Variants in EREG observed in about 807,000 individuals in gnomAD.
EREG encodes proepiregulin.
A neutral mutation model predicts 22.4 loss-of-function variants in EREG; 23 were observed. That is an observed-to-expected ratio of 1.03 (90% confidence interval 0.74 to 1.46). The LOEUF is 1.46. EREG is among the 40% of genes most tolerant of loss of function. The pLI is 0.00. For synonymous variants in EREG, 100 were observed against 75.4 expected (o/e 1.33, Z -1.69); for missense variants, 226 against 205.9 (o/e 1.10, Z -0.60).
chr4:74,377,669 A>G (rs1177055704), intron 1 of EREG, among the ~76,000 whole-genome samples: 2 of 152,224 alleles, frequency 1.3e-5, no homozygotes, highest in Non-Finnish European at 2.9e-5. Flanking sequence ...ACAGTTCTAT[A>G]TGGCTGGGGA....
chr4:74,365,647 A>G (rs1752165642), intron 1 of EREG, among the ~76,000 whole-genome samples: 2 of 146,098 alleles, frequency 1.4e-5, no homozygotes, highest in Non-Finnish European at 1.5e-5. Flanking sequence ...TAAACAAAAT[A>G]AAAAGTTGTT....
chr4:74,377,322 T>A (rs543663917), intron 1 of EREG, among the ~76,000 whole-genome samples: 2 of 152,308 alleles, frequency 1.3e-5, no homozygotes, highest in African/African-American at 2.4e-5. Context: ...GTGGCCTCTA[T>A]GTTGGGTTAA....
In EREG at chr4:74,384,892, G is replaced by C; in HGVS notation, c.*84G>C. ...CCATTTTATTAATAATATTTATGTT[G>C]GGTCAAGTGTTAGGTCAATAACACT... On this transcript the variant is annotated 3_prime_UTR_variant, in exon 5 of 5. Coordinates refer to ENST00000244869, the MANE Select transcript of EREG (RefSeq NM_001432.3). 1.3e-6 allele frequency: 1 copy of C among 789,556 alleles called. No individual in the cohort carries two copies. The allele number at this position is 789,556 out of a possible 1,614,324, so 48.9% of individuals were successfully genotyped here.
At chr4:74,377,001 T>G (rs1578819908) in intron 1 of EREG, among the ~76,000 whole-genome samples, 1 of 152,252 alleles carries the variant, frequency 6.6e-6, no homozygotes, top group Non-Finnish European at 1.5e-5. Context: ...ATAAAATTCT[T>G]GTATTACACG....
chr4:74,375,001 T>C (rs1752354933), intron 1 of EREG, among the ~76,000 whole-genome samples: 1 of 152,196 alleles, frequency 6.6e-6, no homozygotes, highest in South Asian at 2.1e-4. Flanking sequence ...TCATCTGTGT[T>C]ATATCACCTG....
In EREG at chr4:74,387,136, G is replaced by GTTATAT. The variant is rs1355002610; in HGVS notation, c.*2328_*2329insTTATAT. 6.6e-6 allele frequency: 1 copy of GTTATAT among 152,102 alleles called. No individual in the cohort carries two copies. Among genetic ancestry groups the GTTATAT allele is most frequent in the Non-Finnish European group, 1.5e-5 (1 of 68,030 alleles). 9.4% of individuals were successfully genotyped at this position (152,102 alleles called of 1,614,324 possible). A position where few individuals can be genotyped will look rare whatever the true frequency, so the allele number is the denominator to read the frequency against. On this transcript the variant is annotated 3_prime_UTR_variant, in exon 5 of 5. Transcript: ENST00000244869. ...ATGTAAAGATGATTTAAGTATACAG[G>GTTATAT]AGGATGTGAATAGGTTATATGCAAG... is the stretch of plus-strand genomic sequence containing the variant.
chr4:74,376,004 G>A (rs113148018), intron 1 of EREG, among the ~76,000 whole-genome samples: 2,240 of 152,250 alleles, frequency 0.015, 57 homozygotes, highest in African/African-American at 0.051. Context: ...AGCGTCACGA[G>A]TAAGGAAAGT....
chr4:74,367,715 C>T (rs1045197372), intron 1 of EREG, among the ~76,000 whole-genome samples: 2 of 152,098 alleles, frequency 1.3e-5, no homozygotes, highest in African/African-American at 4.8e-5. Context: ...TATGAGTTAC[C>T]TGAGTCTTGG....
chr4:74,376,583 T>C (rs1752385280), intron 1 of EREG, among the ~76,000 whole-genome samples: 1 of 152,246 alleles, frequency 6.6e-6, no homozygotes, highest in African/African-American at 2.4e-5. Flanking sequence ...GACAATGAAA[T>C]CTAGGCTTTA....
intron 2 of EREG, 85 bp downstream of exon 2, chr4:74,379,619 A>G: frequency 2.5e-6 from 2 of 815,428 alleles, no homozygotes; most frequent in Non-Finnish European, 4.1e-6. Flanking sequence ...AGTATGTGAT[A>G]ATTTTTTAAA....
At chr4:74,374,790 C>T (rs772817395) in intron 1 of EREG, among the ~76,000 whole-genome samples, 3 of 152,076 alleles carry the variant, frequency 2.0e-5, no homozygotes, top group African/African-American at 7.2e-5. Flanking sequence ...TCCTCTGAGT[C>T]ACTGGCACCA....
Position 74,376,761 on chromosome 4 carries a change from GAT to G in EREG, c.68-2685_68-2684del, listed in dbSNP as rs1316300835. On this transcript the variant is annotated intron_variant, in intron 1 of 4. Coordinates refer to ENST00000244869, the MANE Select transcript of EREG (RefSeq NM_001432.3). ...AAGAACAGGAGACTTGATTTCAAAA[GAT>G]AAATTTGTAACTCTTCTCTTCTGTG... Among the ~76,000 whole-genome samples the G allele has an allele frequency of 2.6e-5, 4 of 152,106 alleles. No individual in the cohort carries two copies. In the East Asian group the frequency reaches 7.7e-4, roughly 29 times the overall value.
intron 1 of EREG, among the ~76,000 whole-genome samples, chr4:74,374,359 G>GC (rs1345827155): frequency 6.6e-6 from 1 of 152,038 alleles, no homozygotes; most frequent in Middle Eastern, 3.2e-3. Flanking sequence ...TTCTGGATGA[G>GC]CCCTCAGTGC....
chr4:74,382,370 A>G, intron 3 of EREG: 2 of 304,524 alleles, frequency 6.6e-6, no homozygotes, highest in Non-Finnish European at 1.2e-5. Context: ...AGGAATCTCA[A>G]ACCTGTACAA....
chr4:74,377,456 G>A (rs1752401362), intron 1 of EREG, among the ~76,000 whole-genome samples: 1 of 152,088 alleles, frequency 6.6e-6, no homozygotes, highest in Admixed American at 6.5e-5. Context: ...CTTGGGAAAA[G>A]TTATTTAAAC....
chr4:74,372,701 A>G (rs1214093072), intron 1 of EREG, among the ~76,000 whole-genome samples: 1 of 152,158 alleles, frequency 6.6e-6, no homozygotes, highest in African/African-American at 2.4e-5. Context: ...AATTTGAAAC[A>G]ATACTCTATA....
In EREG at chr4:74,365,166, T is replaced by C. The variant is rs1752149906; in HGVS notation, c.-143T>C. The C allele has an allele frequency of 1.5e-6, 1 of 656,190 alleles. No individual in the cohort carries two copies. Among genetic ancestry groups the C allele is most frequent in the Admixed American group, 2.4e-5 (1 of 42,490 alleles). 40.6% of individuals were successfully genotyped at this position (656,190 alleles called of 1,614,324 possible). A position where few individuals can be genotyped will look rare whatever the true frequency, so the allele number is the denominator to read the frequency against. On this transcript the variant is annotated 5_prime_UTR_variant, in exon 1 of 5. Coordinates refer to ENST00000244869, the MANE Select transcript of EREG (RefSeq NM_001432.3). ...GCTCACTTGCCTGATATTTCCAGTG[T>C]CAGAGGGACACAGCCAACGTGGGGT...
intron 1 of EREG, among the ~76,000 whole-genome samples, chr4:74,375,321 T>C (rs1752360677): frequency 7.9e-6 from 1 of 126,684 alleles, no homozygotes; most frequent in Non-Finnish European, 1.7e-5. Flanking sequence ...TTTTTTTTTT[T>C]TTTTTTTTTT....
rs762469076 is a variant in EREG at position 74,379,429 on chromosome 4, G to A, written c.68-19G>A. 9 of 1,472,430 alleles carry A rather than the reference G, an allele frequency of 6.1e-6. No homozygotes were observed. Among genetic ancestry groups the A allele is most frequent in the East Asian group, 2.3e-5 (1 of 44,086 alleles). 91.2% of individuals were successfully genotyped at this position (1,472,430 alleles called of 1,614,324 possible). A position where few individuals can be genotyped will look rare whatever the true frequency, so the allele number is the denominator to read the frequency against. On this transcript the variant is annotated intron_variant, in intron 1 of 4. Coordinates refer to ENST00000244869, the MANE Select transcript of EREG (RefSeq NM_001432.3). ...TCCTTAACACATTAGTTATATATTC[G>A]ATTTTTCTTCATAAATAGGTTTCCA...
Sources: allele counts gnomAD v4.1 joint callset (sites outside exome capture counted in the v4.1 genomes callset), GRCh38; gene constraint gnomAD v4.1.1; transcripts MANE v1.5; gene names NCBI Gene and HGNC (gene_info 2026-07-23, HGNC 2026-07-21).